Variants in ARAP1 observed in about 807,000 individuals in gnomAD.
ARAP1 encodes arf-GAP with Rho-GAP domain, ANK repeat and PH domain-containing protein 1.
Under a neutral mutation model 172.2 loss-of-function variants are expected in ARAP1, and 76 were observed. That is an observed-to-expected ratio of 0.44 (90% CI 0.37 to 0.53). The LOEUF (loss-of-function observed/expected upper bound fraction) is 0.53, where lower values mean the gene tolerates loss of function less well. Among genes scored for constraint, ARAP1 ranks in the 20% least tolerant of loss-of-function variants. ARAP1 has a pLI of 0.00. For missense variants in ARAP1, 1,686 were observed against 1,977.5 expected (o/e 0.85, Z 2.80); for synonymous variants, 804 against 803.3 (o/e 1.00, Z -0.01).
At position 72,695,342 on chromosome 11, in the gene ARAP1, C is replaced by T. The variant is rs1009662348; in HGVS notation, c.3576+45G>A. ...TGGCCATCTGAGCCTGTACCTGGCC[C>T]AGCCTGATTCTCTAGCCCCTTGGCT... On this transcript the variant is annotated intron_variant, in intron 26 of 34. Transcript: ENST00000393609. This position sits in a 1 kb window ranked among gnomAD's most constrained non-coding sequence, Gnocchi z 4.4. 2 of 1,612,810 alleles carry T rather than the reference C, an allele frequency of 1.2e-6. No homozygotes were observed. The highest frequency in any genetic ancestry group is 2.7e-5 in the African/African-American group (2 of 74,912).
chr11:72,713,130 C>T (rs1250553260), intron 5 of ARAP1, 46 bp downstream of exon 5: 2 of 1,595,996 alleles, frequency 1.3e-6, no homozygotes, highest in South Asian at 1.1e-5. Context: ...CAGCTGGGCA[C>T]CCCCACAACA....
intron 11 of ARAP1, 114 bp downstream of exon 11, chr11:72,709,756 C>A: frequency 2.8e-6 from 3 of 1,084,524 alleles, no homozygotes; most frequent in Admixed American, 3.5e-5. Flanking sequence ...TGGGGCAGGG[C>A]GGGGCAGGGT....
chr11:72,689,777 G>A (rs1223266392), intron 30 of ARAP1, among the ~76,000 whole-genome samples: 3 of 152,248 alleles, frequency 2.0e-5, no homozygotes, highest in Admixed American at 2.0e-4. Context: ...GTGCCCAGGA[G>A]GGCCTGGAAC....
chr11:72,687,759 G>A (rs764798099), intron 31 of ARAP1, 21 bp from the exon 32 acceptor site: 1 of 1,614,040 alleles, frequency 6.2e-7, no homozygotes, highest in East Asian at 2.2e-5. Context: ...AGAAGGGAGA[G>A]AGTTGGGTGT....
chr11:72,707,942 C>T (rs1334699142), intron 11 of ARAP1, among the ~76,000 whole-genome samples: 1 of 151,992 alleles, frequency 6.6e-6, no homozygotes, highest in African/African-American at 2.4e-5. Flanking sequence ...CTGTCCCAGC[C>T]CCAAATGTGA....
chr11:72,740,051 C>G (rs1858154555), intron 1 of ARAP1, among the ~76,000 whole-genome samples: 1 of 152,204 alleles, frequency 6.6e-6, no homozygotes. Flanking sequence ...CAGGTGGGGC[C>G]TTTAGGCAAA....
intron 1 of ARAP1, among the ~76,000 whole-genome samples, chr11:72,747,119 C>T (rs1187371996): frequency 6.6e-6 from 1 of 152,218 alleles, no homozygotes; most frequent in Non-Finnish European, 1.5e-5. Context: ...CAAGCTCCCC[C>T]AGGGCCACTG....
At chr11:72,752,305 G>A (rs1591259662) in intron 1 of ARAP1, 23 bp downstream of exon 1, 1 of 152,320 alleles carries the variant, frequency 6.6e-6, no homozygotes, top group African/African-American at 2.4e-5. Context: ...TGCAGACGGG[G>A]AGGCTCCGGC....
chr11:72,689,536 G>C (rs34032958), intron 30 of ARAP1: 3,751 of 152,554 alleles, frequency 0.025, 79 homozygotes, highest in African/African-American at 0.05. Flanking sequence ...CCTCAGCAGG[G>C]GCCAGAGAAA....
In ARAP1 at chr11:72,712,713, C is replaced by T. The variant is rs763546623; in HGVS notation, c.748-145G>A. ...TCTGTTTCCTCACACTCCCCTCCCC[C>T]TGCCAGCGGAGACCACACAGAGACC... On this transcript the variant is annotated intron_variant, in intron 5 of 34. Transcript: ENST00000393609. 3.3e-5 allele frequency: 45 copies of T among 1,360,038 alleles called. No homozygotes were observed. The East Asian group carries it at 1.0e-3, about 32-fold the overall frequency. 84.2% of individuals were successfully genotyped at this position (1,360,038 alleles called of 1,614,324 possible). A position where few individuals can be genotyped will look rare whatever the true frequency, so the allele number is the denominator to read the frequency against.
intron 2 of ARAP1, among the ~76,000 whole-genome samples, chr11:72,727,565 G>A (rs1350010514): frequency 6.6e-6 from 1 of 152,212 alleles, no homozygotes; most frequent in Non-Finnish European, 1.5e-5. Flanking sequence ...CCACGGCAGG[G>A]CTAATTCCCT....
chr11:72,738,329 G>C (rs1171252388), intron 1 of ARAP1, among the ~76,000 whole-genome samples: 1 of 152,138 alleles, frequency 6.6e-6, no homozygotes, highest in African/African-American at 2.4e-5. Flanking sequence ...GCCTCCCTGA[G>C]CCTGTTTTGC....
At chr11:72,718,640 C>T (rs1857384444) in intron 3 of ARAP1, among the ~76,000 whole-genome samples, 1 of 152,168 alleles carries the variant, frequency 6.6e-6, no homozygotes, top group Non-Finnish European at 1.5e-5. Flanking sequence ...GTGAACCCAC[C>T]TGCTTACCCA....
intron 3 of ARAP1, among the ~76,000 whole-genome samples, chr11:72,714,723 G>A (rs1368686625): frequency 6.6e-6 from 1 of 152,168 alleles, no homozygotes; most frequent in Non-Finnish European, 1.5e-5. Flanking sequence ...GGACAGGATT[G>A]AAATGAGCTG....
intron 15 of ARAP1, among the ~76,000 whole-genome samples, chr11:72,701,990 C>T (rs1298309192): frequency 6.6e-6 from 1 of 152,238 alleles, no homozygotes; most frequent in Non-Finnish European, 1.5e-5. Context: ...ATTCACTCCA[C>T]TCCCAAGGCC....
chr11:72,751,488 G>C (rs1858529252), intron 1 of ARAP1, among the ~76,000 whole-genome samples: 1 of 152,006 alleles, frequency 6.6e-6, no homozygotes, highest in Non-Finnish European at 1.5e-5. Context: ...GTCTCTCCCA[G>C]CCTGGCCTCT....
chr11:72,687,403 G>A (rs1434190182), intron 33 of ARAP1, 36 bp downstream of exon 33: 1 of 1,613,234 alleles, frequency 6.2e-7, no homozygotes. Context: ...AAGCCTCCAG[G>A]GACCCACCCC....
chr11:72,733,103 G>A (rs1407153049), intron 1 of ARAP1, among the ~76,000 whole-genome samples: 1 of 152,212 alleles, frequency 6.6e-6, no homozygotes, highest in African/African-American at 2.4e-5. Context: ...ACAGAAGTCA[G>A]ACCAGAGGAA....
At chr11:72,702,762 T>G in intron 15 of ARAP1, 143 bp downstream of exon 15, 8 of 1,066,658 alleles carry the variant, frequency 7.5e-6, no homozygotes, top group Non-Finnish European at 1.1e-5. Flanking sequence ...CACACTGACA[T>G]GCAAACCCAA....
Sources: gnomAD v4.1 joint callset for allele counts (sites outside exome capture counted in the v4.1 genomes callset) on GRCh38, gnomAD v4.1.1 for gene constraint, Gnocchi (gnomAD v3.1) non-coding constraint, MANE v1.5 for transcripts, NCBI Gene and HGNC (gene_info 2026-07-23, HGNC 2026-07-21) for gene names.